Variants in LRRC7 observed in about 807,000 individuals in gnomAD.
The protein encoded by LRRC7 is leucine-rich repeat-containing protein 7.
Under a neutral mutation model 175.7 loss-of-function variants are expected in LRRC7, and 23 were observed. The observed-to-expected ratio is 0.13, with a 90% CI of 0.09 to 0.19. LRRC7 has a LOEUF of 0.19. Among genes scored for constraint, LRRC7 ranks in the 10% least tolerant of loss-of-function variants. LRRC7 has a pLI of 1.00. For missense variants in LRRC7, 1,354 were observed against 1,904.7 expected, an observed-to-expected ratio of 0.71 and a Z score of 5.38; for synonymous variants, 685 against 680.9, an observed-to-expected ratio of 1.01 and a Z score of -0.09.
At chr1:69,639,086 G>A (rs1653814007) in intron 1 of LRRC7, among the ~76,000 whole-genome samples, 1 of 151,652 alleles carries the variant, frequency 6.6e-6, no homozygotes, top group South Asian at 2.1e-4. Context: ...GTCAAAGGAG[G>A]AAAACTGATG....
intron 5 of LRRC7, among the ~76,000 whole-genome samples, chr1:69,826,394 A>G (rs1317313658): frequency 6.6e-6 from 1 of 152,152 alleles, no homozygotes; most frequent in African/African-American, 2.4e-5. Context: ...CTGTTCATTA[A>G]GAAATGCCAT....
At chr1:69,639,815 C>A (rs1257300715) in intron 1 of LRRC7, among the ~76,000 whole-genome samples, 1 of 151,212 alleles carries the variant, frequency 6.6e-6, no homozygotes, top group Non-Finnish European at 1.5e-5. Flanking sequence ...ATGCAAAAAC[C>A]AATATTAAGG....
intron 1 of LRRC7, among the ~76,000 whole-genome samples, chr1:69,657,242 T>C (rs569348216): frequency 1.3e-5 from 2 of 151,892 alleles, no homozygotes; most frequent in Non-Finnish European, 2.9e-5. Context: ...ATGATTAATC[T>C]GAAAGACTAA....
At position 69,934,437 on chromosome 1, in the gene LRRC7, A is replaced by G. The variant is rs536558595; in HGVS notation, c.711+2867A>G. Among the ~76,000 whole-genome samples the G allele has an allele frequency of 2.1e-4, 28 of 136,346 alleles. 1 individual carries two copies. In the South Asian group the frequency reaches 6.6e-3, roughly 32 times the overall value. The allele number at this position is 136,346 out of a possible 152,430, so 89.4% of individuals were successfully genotyped here. ...AAGGGAATTATTTTATATTTTTAATAGCAATTATCCCCAGAATATATTGAA... is the reference window on the plus strand; with the variant it reads ...AAGGGAATTATTTTATATTTTTAATGGCAATTATCCCCAGAATATATTGAA... On this transcript the variant is annotated intron_variant, in intron 8 of 26. Transcript: ENST00000651989.
rs982271854 is a variant in LRRC7 at position 69,857,817 on chromosome 1, G to A, written c.647+19534G>A. 4.2e-3 allele frequency among the ~76,000 whole-genome samples: 644 copies of A among 152,026 alleles called. 3 individuals are homozygous for A. The highest frequency in any genetic ancestry group is 0.015 in the African/African-American group (603 of 41,510). ...CACATTGCCAAGACAATCCTAAGCCGAAAGAACAAAGCTGGAGGCATCACG... is the reference window on the plus strand; with the variant it reads ...CACATTGCCAAGACAATCCTAAGCCAAAAGAACAAAGCTGGAGGCATCACG... On this transcript the variant is annotated intron_variant, in intron 7 of 26. Coordinates refer to ENST00000651989, the MANE Select transcript of LRRC7 (RefSeq NM_001370785.2).
In LRRC7 at chr1:69,951,008, AAC is replaced by A. The variant is rs200057807; in HGVS notation, c.711+19442_711+19443del. On this transcript the variant is annotated intron_variant, in intron 8 of 26. Transcript: ENST00000651989. ...ATGTCTAAATAATAGAGAGTAAACA[AAC>A]ACAGAGAATGGGAGAAATATTTTCA... 9.1e-3 allele frequency among the ~76,000 whole-genome samples: 1,377 copies of A among 152,154 alleles called. 14 individuals carry two copies. The highest frequency in any genetic ancestry group is 0.011 in the Non-Finnish European group (781 of 67,988).
At chr1:69,819,573 CTCTCTG>C (rs1314557589) in intron 4 of LRRC7, among the ~76,000 whole-genome samples, 199 of 128,132 alleles carry the variant, frequency 1.6e-3, no homozygotes, top group East Asian at 6.3e-3. Flanking sequence ...CTCTCTCTCT[CTCTCTG>C]TGTGTGTGTG....
rs561920435 is a variant in LRRC7 at position 69,783,630 on chromosome 1, T to C, written c.304-8413T>C. Among the ~76,000 whole-genome samples the C allele has an allele frequency of 1.2e-4, 18 of 151,536 alleles. 1 individual carries two copies. The highest frequency in any genetic ancestry group is 3.6e-4 in the African/African-American group (15 of 41,292). ...AGCCAGGTGTGGTGGCGAGCGTCTA[T>C]AATCCCAGCTACCCAGGAGGCTGAG... On this transcript the variant is annotated intron_variant, in intron 3 of 26. Transcript: ENST00000651989.
intron 24 of LRRC7, among the ~76,000 whole-genome samples, chr1:70,078,807 C>T (rs534536565): frequency 4.7e-4 from 51 of 109,486 alleles, no homozygotes; most frequent in East Asian, 2.0e-3. Context: ...CGCGCGCGCG[C>T]GCGCACACAC....
At chr1:70,115,393 G>T (rs1030751919) in intron 26 of LRRC7, among the ~76,000 whole-genome samples, 1 of 152,082 alleles carries the variant, frequency 6.6e-6, no homozygotes, top group Non-Finnish European at 1.5e-5. Flanking sequence ...GGGTATACAA[G>T]TATGAGAACC....
chr1:70,058,695 C>T (rs1340531999), intron 23 of LRRC7, among the ~76,000 whole-genome samples: 1 of 152,196 alleles, frequency 6.6e-6, no homozygotes, highest in Non-Finnish European at 1.5e-5. Context: ...AGAAGAAACT[C>T]ATACTCAGAG....
chr1:69,645,669 C>T (rs74084952), intron 1 of LRRC7, among the ~76,000 whole-genome samples: 3,663 of 151,960 alleles, frequency 0.024, 126 homozygotes, highest in African/African-American at 0.083. Context: ...CACAATACTG[C>T]TTTTTTTAGA....
At chr1:69,749,925 G>C (rs1013541450) in intron 2 of LRRC7, among the ~76,000 whole-genome samples, 2 of 151,970 alleles carry the variant, frequency 1.3e-5, no homozygotes, top group Non-Finnish European at 2.9e-5. Context: ...GCCAGGCATG[G>C]TGGCATGTGC....
At chr1:69,994,087 A>G (rs12027457) in intron 10 of LRRC7, among the ~76,000 whole-genome samples, 6,625 of 152,276 alleles carry the variant, frequency 0.044, 166 homozygotes, top group South Asian at 0.1. Flanking sequence ...CCAAGAACAT[A>G]ATTATAACCG....
chr1:70,007,631 T>C (rs982859616), intron 11 of LRRC7, among the ~76,000 whole-genome samples: 2 of 152,256 alleles, frequency 1.3e-5, no homozygotes, highest in East Asian at 3.8e-4. Flanking sequence ...CGTCTTTTCA[T>C]GATACGTTGT....
At chr1:70,040,255 G>C (rs1370704924) in intron 21 of LRRC7, among the ~76,000 whole-genome samples, 1 of 152,124 alleles carries the variant, frequency 6.6e-6, no homozygotes, top group Non-Finnish European at 1.5e-5. Context: ...CATAGTTACT[G>C]CTATGGGACT....
chr1:69,997,795 C>T (rs921967029), intron 11 of LRRC7, among the ~76,000 whole-genome samples: 4 of 151,938 alleles, frequency 2.6e-5, no homozygotes, highest in South Asian at 2.1e-4. Flanking sequence ...CTGCTGGATT[C>T]GTTTTGCCAG....
intron 6 of LRRC7, among the ~76,000 whole-genome samples, chr1:69,836,876 AG>A (rs1218569835): frequency 1.3e-5 from 2 of 150,638 alleles, no homozygotes; most frequent in Non-Finnish European, 3.0e-5. Flanking sequence ...GCTTGATAGG[AG>A]GCAAAAAAAA....
At chr1:69,810,819 C>T (rs1557759506) in intron 4 of LRRC7, among the ~76,000 whole-genome samples, 1 of 152,008 alleles carries the variant, frequency 6.6e-6, no homozygotes. Context: ...CCATAAAAAC[C>T]CTAGAAGAAA....
Sources: allele counts gnomAD v4.1 joint callset (sites outside exome capture counted in the v4.1 genomes callset), GRCh38; gene constraint gnomAD v4.1.1; transcripts MANE v1.5; gene names NCBI Gene and HGNC (gene_info 2026-07-23, HGNC 2026-07-21).